The following MACROD1 variants were observed in gnomAD, a reference collection of about 807,000 sequenced individuals.
MACROD1 encodes mono-ADP ribosylhydrolase 1.
MACROD1 carries 31 observed loss-of-function variants against 41.4 expected under a neutral mutation model. That is an observed-to-expected ratio of 0.75 (90% CI 0.56 to 1.01). The LOEUF (loss-of-function observed/expected upper bound fraction) is 1.01. MACROD1 is among the 50% of genes least tolerant of loss of function. The pLI is 0.00. For missense variants in MACROD1, 473 were observed against 460.0 expected, an observed-to-expected ratio of 1.03 and a Z score of -0.26; for synonymous variants, 252 against 203.4, an observed-to-expected ratio of 1.24 and a Z score of -2.03.
chr11:64,065,106 C>A (rs1183438415), intron 3 of MACROD1, among the ~76,000 whole-genome samples: 1 of 152,228 alleles, frequency 6.6e-6, no homozygotes, highest in African/African-American at 2.4e-5. Context: ...CTCGGAGAGA[C>A]TTCCCAGAGG....
At chr11:64,121,979 AAAAGG>A (rs1945106215) in intron 3 of MACROD1, among the ~76,000 whole-genome samples, 1 of 151,954 alleles carries the variant, frequency 6.6e-6, no homozygotes, top group Non-Finnish European at 1.5e-5. Context: ...CTAAAAAAAA[AAAAGG>A]AAAGGAAAGA....
chr11:64,165,570 C>A, intron 1 of MACROD1, 127 bp downstream of exon 1: 1 of 810,376 alleles, frequency 1.2e-6, no homozygotes, highest in Non-Finnish European at 1.8e-6. Context: ...CGTTCCAGGG[C>A]AGATGGGGCC....
chr11:64,047,995 C>T (rs1250444012), intron 3 of MACROD1, among the ~76,000 whole-genome samples: 6 of 152,222 alleles, frequency 3.9e-5, no homozygotes, highest in Non-Finnish European at 2.9e-5. Flanking sequence ...TTTCCCAGTG[C>T]CCTGTGTGCT....
At chr11:64,016,743 G>A (rs900350852) in intron 3 of MACROD1, among the ~76,000 whole-genome samples, 7 of 152,240 alleles carry the variant, frequency 4.6e-5, no homozygotes, top group Admixed American at 2.0e-4. Context: ...GAGCGGCTGG[G>A]CGCTCCCAAA....
Position 64,129,851 on chromosome 11 carries a change from G to A in MACROD1, c.517+21388C>T, listed in dbSNP as rs182456579. ...TTGGAGGCTCAGCCAGGTTTGGGCC[G>A]CACAGGAGGGAATTGCCAGGACCTG... On this transcript the variant is annotated intron_variant, in intron 3 of 10. Coordinates refer to ENST00000255681, the MANE Select transcript of MACROD1 (RefSeq NM_014067.4). 5.9e-5 allele frequency among the ~76,000 whole-genome samples: 9 copies of A among 152,216 alleles called. No individual in the cohort carries two copies. The South Asian group carries it at 1.7e-3, about 28-fold the overall frequency.
At chr11:64,129,957 C>T (rs781275003) in intron 3 of MACROD1, among the ~76,000 whole-genome samples, 17 of 152,132 alleles carry the variant, frequency 1.1e-4, no homozygotes, top group Non-Finnish European at 1.9e-4. Flanking sequence ...GTGAGCCTCC[C>T]GTTCTTACAG....
At chr11:64,043,642 C>A (rs563444952) in intron 3 of MACROD1, among the ~76,000 whole-genome samples, 1 of 152,242 alleles carries the variant, frequency 6.6e-6, no homozygotes, top group African/African-American at 2.4e-5. Context: ...GCAGAGAGGT[C>A]ATTATTGAGT....
At chr11:64,134,647 C>CCG (rs1945308554) in intron 3 of MACROD1, among the ~76,000 whole-genome samples, 1 of 152,148 alleles carries the variant, frequency 6.6e-6, no homozygotes, top group South Asian at 2.1e-4. Context: ...ACCTGCCTCC[C>CCG]CGGCTGCGCC....
chr11:64,164,387 C>A (rs764776144), intron 1 of MACROD1, among the ~76,000 whole-genome samples: 26 of 152,230 alleles, frequency 1.7e-4, no homozygotes, highest in Non-Finnish European at 3.5e-4. Context: ...CGAGCAGGTG[C>A]CTGGGCACCT....
At chr11:64,004,840 A>C (rs953153777) in intron 4 of MACROD1, among the ~76,000 whole-genome samples, 1 of 152,028 alleles carries the variant, frequency 6.6e-6, no homozygotes, top group African/African-American at 2.4e-5. Context: ...ACTTGAGCTC[A>C]GGAGTTCGAG....
chr11:64,127,363 G>C (rs1015201707), intron 3 of MACROD1, among the ~76,000 whole-genome samples: 6 of 152,130 alleles, frequency 3.9e-5, no homozygotes, highest in African/African-American at 1.4e-4. Flanking sequence ...GGCACACGTG[G>C]TCTCAGCGGC....
intron 3 of MACROD1, among the ~76,000 whole-genome samples, chr11:64,148,282 C>T (rs978013566): frequency 6.6e-6 from 1 of 152,186 alleles, no homozygotes; most frequent in Non-Finnish European, 1.5e-5. Flanking sequence ...CCCTCACAGC[C>T]CTCTCCTAGC....
intron 3 of MACROD1, among the ~76,000 whole-genome samples, chr11:64,147,442 A>C (rs1404749773): frequency 2.0e-5 from 3 of 149,052 alleles, no homozygotes; most frequent in African/African-American, 7.4e-5. Context: ...CCAGGCTGGA[A>C]GGCAGTAACA....
chr11:64,101,302 C>G (rs1944666965), intron 3 of MACROD1, among the ~76,000 whole-genome samples: 1 of 152,128 alleles, frequency 6.6e-6, no homozygotes, highest in African/African-American at 2.4e-5. Flanking sequence ...CTGCCTCTAT[C>G]CTGAGAGCTA....
rs191773574 is a variant in MACROD1, at chr11:64,120,934, C to T, written c.517+30305G>A. 2.0e-4 allele frequency among the ~76,000 whole-genome samples: 31 copies of T among 152,318 alleles called. No individual in the cohort carries two copies. In the East Asian group the frequency reaches 5.8e-3, roughly 28 times the overall value. Reference sequence around the variant, plus strand: ...GGTGCTGCCAGCACACTGTCCCCACCTCACCTAGGTCCCCCTGTCTCCTCT... The same window carrying T: ...GGTGCTGCCAGCACACTGTCCCCACTTCACCTAGGTCCCCCTGTCTCCTCT... On this transcript the variant is annotated intron_variant, in intron 3 of 10. Transcript: ENST00000255681. The surrounding 1 kb of genome is among the most constrained non-coding windows in gnomAD (Gnocchi z 4.5).
At chr11:64,098,606 A>G (rs1944619166) in intron 3 of MACROD1, among the ~76,000 whole-genome samples, 1 of 152,198 alleles carries the variant, frequency 6.6e-6, no homozygotes, top group Non-Finnish European at 1.5e-5. Context: ...GAGCCATGGA[A>G]CAAACTCCAG....
chr11:64,129,991 G>A lies in MACROD1; in HGVS notation c.517+21248C>T, dbSNP rs150632251. Reference sequence around the variant, plus strand: ...AGGAAAGCAAGCAGGACTGGCCAGTGCCTCAAAGGCACTGCAGGGGACCTG... The same window carrying A: ...AGGAAAGCAAGCAGGACTGGCCAGTACCTCAAAGGCACTGCAGGGGACCTG... On this transcript the variant is annotated intron_variant, in intron 3 of 10. Coordinates refer to ENST00000255681, the MANE Select transcript of MACROD1 (RefSeq NM_014067.4). Among the ~76,000 whole-genome samples the A allele has an allele frequency of 4.7e-4, 72 of 152,250 alleles. No individual in the cohort carries two copies. In the East Asian group the frequency reaches 0.014, roughly 29 times the overall value.
intron 3 of MACROD1, among the ~76,000 whole-genome samples, chr11:64,044,248 CAACTT>C (rs1403882429): frequency 7.3e-5 from 11 of 150,664 alleles, no homozygotes; most frequent in Non-Finnish European, 1.3e-4. Context: ...GTTCCCCCAA[CAACTT>C]TTTTTTTTTT....
intron 1 of MACROD1, among the ~76,000 whole-genome samples, chr11:64,155,113 ACCTGAGGGTG>A (rs1157454705): frequency 6.6e-6 from 1 of 152,168 alleles, no homozygotes; most frequent in Admixed American, 6.5e-5. Flanking sequence ...GTGTGTGGGC[ACCTGAGGGTG>A]CCTGAGGGGC....
Sources: allele counts gnomAD v4.1 joint callset (sites outside exome capture counted in the v4.1 genomes callset), GRCh38; gene constraint gnomAD v4.1.1; non-coding constraint Gnocchi (gnomAD v3.1); transcripts MANE v1.5; gene names NCBI Gene and HGNC (gene_info 2026-07-23, HGNC 2026-07-21).